Variants in TDRD5 observed in about 807,000 individuals in gnomAD.
The protein encoded by TDRD5 is tudor domain-containing protein 5.
In TDRD5, 41 loss-of-function variants were observed where a neutral mutation model predicts 120.6. That is an observed-to-expected ratio of 0.34 (90% CI 0.26 to 0.44). The LOEUF (loss-of-function observed/expected upper bound fraction) is 0.44, where lower values mean the gene tolerates loss of function less well. TDRD5 is among the 20% of genes least tolerant of loss of function. TDRD5 has a pLI of 1.00. For synonymous variants in TDRD5, 430 were observed against 433.7 expected (o/e 0.99, Z 0.11); for missense variants, 1,006 against 1,221.2 (o/e 0.82, Z 2.63).
intron 5 of TDRD5, among the ~76,000 whole-genome samples, chr1:179,620,224 A>G (rs763826507): frequency 3.9e-5 from 6 of 152,174 alleles, no homozygotes; most frequent in Non-Finnish European, 8.8e-5. Flanking sequence ...GGATTTTGAA[A>G]TAATTTTTAC....
chr1:179,653,213 A>C (rs1678814779), intron 13 of TDRD5, among the ~76,000 whole-genome samples: 2 of 152,148 alleles, frequency 1.3e-5, no homozygotes, highest in South Asian at 4.1e-4. Flanking sequence ...GAGGGCCAAA[A>C]ATGTTTTGTT....
At chr1:179,660,170 G>T (rs1679222725) in intron 14 of TDRD5, among the ~76,000 whole-genome samples, 1 of 139,388 alleles carries the variant, frequency 7.2e-6, no homozygotes. Context: ...CTTCTCTTAG[G>T]TTATTTGAAC....
At chr1:179,687,377 T>C (rs1448315366) in intron 17 of TDRD5, among the ~76,000 whole-genome samples, 1 of 152,228 alleles carries the variant, frequency 6.6e-6, no homozygotes, top group Non-Finnish European at 1.5e-5. Flanking sequence ...TAATCCTGAG[T>C]TCTAATTTGA....
At chr1:179,594,788 C>A (rs185168527) in intron 3 of TDRD5, among the ~76,000 whole-genome samples, 2 of 152,306 alleles carry the variant, frequency 1.3e-5, no homozygotes, top group East Asian at 1.9e-4. Context: ...TGAGGATATA[C>A]TTGGATAGGG....
At chr1:179,634,361 A>G in intron 7 of TDRD5, 96 bp from the exon 8 acceptor site, 1 of 1,285,876 alleles carries the variant, frequency 7.8e-7, no homozygotes, top group Non-Finnish European at 1.1e-6. Context: ...GAAGGTGCTT[A>G]GTAATGGTTG....
At chr1:179,675,285 T>A (rs796654776) in intron 17 of TDRD5, among the ~76,000 whole-genome samples, 33 of 128,440 alleles carry the variant, frequency 2.6e-4, no homozygotes, top group South Asian at 1.3e-3. Flanking sequence ...TTTTTTTTTT[T>A]TTTTTTTTTT....
intron 15 of TDRD5, 151 bp from the exon 16 acceptor site, chr1:179,663,197 C>T (rs780296793): frequency 8.3e-6 from 7 of 843,128 alleles, no homozygotes; most frequent in Non-Finnish European, 1.2e-5. Flanking sequence ...ACCAATAAAG[C>T]AAGGAGGAAA....
intron 17 of TDRD5, among the ~76,000 whole-genome samples, chr1:179,689,830 G>A (rs1317128299): frequency 2.0e-5 from 3 of 152,160 alleles, no homozygotes; most frequent in East Asian, 1.9e-4. Flanking sequence ...GTGAGGCTCC[G>A]TGGGCGTGGG....
intron 4 of TDRD5, among the ~76,000 whole-genome samples, chr1:179,616,685 T>G (rs555738104): frequency 1.9e-4 from 29 of 152,194 alleles, no homozygotes; most frequent in Non-Finnish European, 3.7e-4. Flanking sequence ...TTAGGCAAAC[T>G]ATTTTATTCA....
intron 6 of TDRD5, among the ~76,000 whole-genome samples, chr1:179,621,485 A>G (rs1282988096): frequency 6.6e-6 from 1 of 152,072 alleles, no homozygotes; most frequent in Non-Finnish European, 1.5e-5. Context: ...CAGTAGTTCC[A>G]CTTTTACATT....
intron 11 of TDRD5, among the ~76,000 whole-genome samples, chr1:179,645,470 G>A (rs892947149): frequency 1.3e-5 from 2 of 152,284 alleles, no homozygotes; most frequent in East Asian, 1.9e-4. Flanking sequence ...GATAGTATCC[G>A]TCAGCCCTTT....
At chr1:179,644,077 A>G (rs1678207675) in intron 11 of TDRD5, among the ~76,000 whole-genome samples, 1 of 152,206 alleles carries the variant, frequency 6.6e-6, no homozygotes, top group South Asian at 2.1e-4. Flanking sequence ...ATATCTATCA[A>G]AATGAAGAAA....
In TDRD5 at chr1:179,593,503, A is replaced by C. The variant is rs1289175854; in HGVS notation, c.276A>C (p.Ala92=). The C allele has an allele frequency of 1.2e-6, 2 of 1,614,064 alleles. No individual in the cohort carries two copies. Among genetic ancestry groups the C allele is most frequent in the Non-Finnish European group, 1.7e-6 (2 of 1,179,896 alleles). Residue 92 remains alanine, a synonymous_variant, in exon 3 of 18, where the codon GCA becomes GCC. Coordinates refer to ENST00000444136, the MANE Select transcript of TDRD5 (RefSeq NM_001199085.3). The part of the protein sequence containing the change: ...ESTKGIASLV[A]KQRSSHKLRN... ...CCAAAGGAATAGCAAGCTTAGTTGC[A>C]AAACAGAGGAGCAGCCATAAGCTTC...
At chr1:179,609,761 G>A (rs1239324521) in intron 4 of TDRD5, among the ~76,000 whole-genome samples, 1 of 152,106 alleles carries the variant, frequency 6.6e-6, no homozygotes, top group African/African-American at 2.4e-5. Context: ...TTGGAGTATT[G>A]TTCAGCCTGT....
chr1:179,625,257 T>C (rs1260169425), intron 6 of TDRD5, among the ~76,000 whole-genome samples: 1 of 152,048 alleles, frequency 6.6e-6, no homozygotes, highest in African/African-American at 2.4e-5. Context: ...AATATATTAA[T>C]GACCTGGACA....
intron 4 of TDRD5, among the ~76,000 whole-genome samples, chr1:179,615,355 G>A (rs1676510498): frequency 1.3e-5 from 2 of 152,028 alleles, no homozygotes; most frequent in Admixed American, 1.3e-4. Context: ...CTCTGTTAAC[G>A]TGTATGTATT....
chr1:179,654,254 G>A lies in TDRD5; in HGVS notation c.2214G>A (p.Glu738=). 1 of 1,548,872 alleles carries A rather than the reference G, an allele frequency of 6.5e-7. No homozygotes were observed. The highest frequency in any genetic ancestry group is 1.4e-5 in the African/African-American group (1 of 73,100). The change falls in exon 14 of 18, where the codon GAG becomes GAA. Residue 738 remains glutamate (E), a synonymous_variant. Transcript: ENST00000444136. ...GTCATCTTAAATCTGAGTCAAAGGA[G>A]CCATTAAAGGATTCTGAATTTGAGT... ...SLSHLKSESK[E]PLKDSEFESL...
chr1:179,635,580 G>C, intron 8 of TDRD5, 87 bp from the exon 9 acceptor site: 5 of 1,183,294 alleles, frequency 4.2e-6, no homozygotes, highest in South Asian at 3.1e-5. Flanking sequence ...TCTGATAAAG[G>C]TGATTCATGA....
chr1:179,663,259 C>A, intron 15 of TDRD5, 89 bp from the exon 16 acceptor site: 1 of 1,412,852 alleles, frequency 7.1e-7, no homozygotes, highest in Non-Finnish European at 9.6e-7. Flanking sequence ...ATATGTATTG[C>A]TTTCTTGCAT....
Sources: gnomAD v4.1 joint callset for allele counts (sites outside exome capture counted in the v4.1 genomes callset) on GRCh38, gnomAD v4.1.1 for gene constraint, MANE v1.5 for transcripts, NCBI Gene and HGNC (gene_info 2026-07-23, HGNC 2026-07-21) for gene names.